Variants in AP2B1 observed in about 807,000 individuals in gnomAD.
AP2B1 encodes the protein AP-2 complex subunit beta.
AP2B1 carries 23 observed loss-of-function variants against 102.0 expected under a neutral mutation model. The observed-to-expected ratio is 0.23, with a 90% CI of 0.16 to 0.32. AP2B1 has a LOEUF of 0.32. Among genes scored for constraint, AP2B1 ranks in the 10% least tolerant of loss-of-function variants. The pLI is 1.00. For missense variants in AP2B1, 541 were observed against 1,157.4 expected, an observed-to-expected ratio of 0.47 and a Z score of 7.73; for synonymous variants, 381 against 421.2, an observed-to-expected ratio of 0.90 and a Z score of 1.17.
chr17:35,652,833 T>G (rs1207551463), intron 13 of AP2B1, among the ~76,000 whole-genome samples: 2 of 152,154 alleles, frequency 1.3e-5, no homozygotes, highest in African/African-American at 4.8e-5. Flanking sequence ...GATAGAACCA[T>G]GTGTTCTGTC....
At chr17:35,638,272 A>G (rs1354550220) in intron 10 of AP2B1, among the ~76,000 whole-genome samples, 1 of 152,376 alleles carries the variant, frequency 6.6e-6, no homozygotes, top group South Asian at 2.1e-4. Context: ...TGGTTTAATC[A>G]GTAAAAGTAG....
rs751992403 is a variant in AP2B1, at chr17:35,650,696, G to A, written c.1703G>A (p.Gly568Asp). 1 of 1,614,188 alleles carries A rather than the reference G, an allele frequency of 6.2e-7. No homozygotes were observed. The highest frequency in any genetic ancestry group is 8.5e-7 in the Non-Finnish European group (1 of 1,180,028). Residue 568 changes from glycine to aspartate, a missense_variant, in exon 13 of 22, where the codon GGT becomes GAT. Around this residue, in one of 10 missense-constraint regions of AP2B1, gnomAD observed 106 missense variants for 296.4 expected, o/e 0.36. Coordinates refer to ENST00000610402, the MANE Select transcript of AP2B1 (RefSeq NM_001030006.2). ...TLLDELICHIGSLASVYHKPP... is the reference protein window; with the variant it reads ...TLLDELICHIDSLASVYHKPP... Reference sequence around the variant, plus strand: ...CTGGATGAGCTAATCTGCCACATTGGTTCTTTGGCCTCTGTGTATCATAAG... The same window carrying A: ...CTGGATGAGCTAATCTGCCACATTGATTCTTTGGCCTCTGTGTATCATAAG...
chr17:35,647,183 C>T (rs556601673), intron 12 of AP2B1, among the ~76,000 whole-genome samples: 11 of 152,156 alleles, frequency 7.2e-5, no homozygotes, highest in East Asian at 5.8e-4. Flanking sequence ...TAAAATTTAA[C>T]GTTTAAGTTA....
At chr17:35,694,250 T>C (rs2076095483) in intron 18 of AP2B1, among the ~76,000 whole-genome samples, 1 of 152,040 alleles carries the variant, frequency 6.6e-6, no homozygotes. Context: ...AATGCTTTTG[T>C]TTGTTTTTTT....
chr17:35,607,908 G>T, intron 4 of AP2B1: 1 of 507,644 alleles, frequency 2.0e-6, no homozygotes, highest in African/African-American at 1.9e-5. Flanking sequence ...GAATCCTGCT[G>T]AGCTGTTTCT....
Position 35,627,365 on chromosome 17 carries a change from TC to T in AP2B1, c.939-19del, listed in dbSNP as rs2074347447. 1 of 1,611,058 alleles carries T rather than the reference TC, an allele frequency of 6.2e-7. No homozygotes were observed. On this transcript the variant is annotated intron_variant, in intron 7 of 21. Coordinates refer to ENST00000610402, the MANE Select transcript of AP2B1 (RefSeq NM_001030006.2). ...AGTATATGCCTTCACCTTCCTTTCTTCTGTTTCTGTGTACCCTAGGCCTGAA... is the reference window on the plus strand; with the variant it reads ...AGTATATGCCTTCACCTTCCTTTCTTTGTTTCTGTGTACCCTAGGCCTGAA...
At chr17:35,609,504 G>A (rs2073792674) in intron 5 of AP2B1, among the ~76,000 whole-genome samples, 2 of 152,186 alleles carry the variant, frequency 1.3e-5, no homozygotes, top group Middle Eastern at 3.4e-3. Context: ...CTGCCACCAC[G>A]CCTGGCTAAT....
At position 35,657,593 on chromosome 17, in the gene AP2B1, C is replaced by T; in HGVS notation, c.1797-6C>T. 1 of 1,610,722 alleles carries T rather than the reference C, an allele frequency of 6.2e-7. No individual in the cohort carries two copies. The highest frequency in any genetic ancestry group is 1.1e-5 in the South Asian group (1 of 90,788). On this transcript the variant is annotated splice_region_variant and splice_polypyrimidine_tract_variant and intron_variant, in intron 13 of 21. Transcript: ENST00000610402. The stretch of plus-strand genomic sequence containing the variant: ...TTTTCTCCATTTTATGTGTATGTGA[C>T]TTTAGCACTGATGCAGGTGACAGCC...
chr17:35,591,478 A>C (rs759107769), intron 1 of AP2B1, among the ~76,000 whole-genome samples: 11 of 152,218 alleles, frequency 7.2e-5, no homozygotes, highest in Non-Finnish European at 1.6e-4. Flanking sequence ...TGGCCAAAAA[A>C]AATTTAATAT....
intron 1 of AP2B1, among the ~76,000 whole-genome samples, chr17:35,590,574 G>T (rs1241576391): frequency 6.6e-6 from 1 of 152,136 alleles, no homozygotes; most frequent in Non-Finnish European, 1.5e-5. Context: ...TATGGTTAGG[G>T]AATATTTTGT....
intron 13 of AP2B1, among the ~76,000 whole-genome samples, chr17:35,654,703 A>G (rs78609064): frequency 6.6e-6 from 1 of 152,114 alleles, no homozygotes; most frequent in Non-Finnish European, 1.5e-5. Flanking sequence ...CTCAATTGCC[A>G]TTCTCTAGTC....
chr17:35,650,022 T>C (rs1285903039), intron 12 of AP2B1, among the ~76,000 whole-genome samples: 1 of 152,088 alleles, frequency 6.6e-6, no homozygotes, highest in African/African-American at 2.4e-5. Context: ...TGATCTCGGC[T>C]CACTGCGACC....
At chr17:35,663,920 G>GAAC (rs1598216140) in intron 14 of AP2B1, among the ~76,000 whole-genome samples, 2 of 152,150 alleles carry the variant, frequency 1.3e-5, no homozygotes, top group East Asian at 3.8e-4. Context: ...GCAGCAAGAG[G>GAAC]AACAGATTGT....
At chr17:35,657,850 G>C (rs925648720) in intron 14 of AP2B1, 59 bp downstream of exon 14, 1 of 1,494,114 alleles carries the variant, frequency 6.7e-7, no homozygotes, top group African/African-American at 1.4e-5. Context: ...ATGCTAGAGA[G>C]TTTTAAATTA....
intron 3 of AP2B1, chr17:35,601,115 G>A: frequency 1.4e-5 from 7 of 517,560 alleles, no homozygotes; most frequent in South Asian, 8.3e-5. Context: ...TTGCTTAGCA[G>A]GCAAAGAGGC....
intron 20 of AP2B1, among the ~76,000 whole-genome samples, chr17:35,712,226 G>C (rs757706670): frequency 6.6e-6 from 1 of 152,082 alleles, no homozygotes; most frequent in Non-Finnish European, 1.5e-5. Flanking sequence ...AGCCACCTCT[G>C]TACCCAGCTA....
chr17:35,623,235 T>C (rs2074231588), intron 5 of AP2B1, among the ~76,000 whole-genome samples: 1 of 152,086 alleles, frequency 6.6e-6, no homozygotes, highest in Admixed American at 6.6e-5. Flanking sequence ...CCCAGATCTG[T>C]GAGTCAGGAT....
intron 5 of AP2B1, among the ~76,000 whole-genome samples, chr17:35,615,641 G>A (rs974833023): frequency 1.3e-5 from 2 of 152,038 alleles, no homozygotes; most frequent in African/African-American, 4.8e-5. Flanking sequence ...TAGGATTGTT[G>A]TTATCCTTAA....
Position 35,605,685 on chromosome 17 carries a change from C to G in AP2B1, c.144-20C>G. On this transcript the variant is annotated intron_variant, in intron 3 of 21. Transcript: ENST00000610402. Reference sequence around the variant, plus strand: ...CAACACCTGCTTACTTTCCTTTTCTCTTTTACCCTCTCTTCTCAGTTCTCT... The same window carrying G: ...CAACACCTGCTTACTTTCCTTTTCTGTTTTACCCTCTCTTCTCAGTTCTCT... 6.3e-6 allele frequency: 10 copies of G among 1,586,092 alleles called. No homozygotes were observed. Among genetic ancestry groups the G allele is most frequent in the East Asian group, 2.2e-5 (1 of 44,736 alleles).
Sources: gnomAD v4.1 joint callset for allele counts (sites outside exome capture counted in the v4.1 genomes callset) on GRCh38, gnomAD v4.1.1 for gene constraint, gnomAD v4.1.1 regional missense constraint, MANE v1.5 for transcripts, NCBI Gene and HGNC (gene_info 2026-07-23, HGNC 2026-07-21) for gene names.